SPTLC1: variants seen among roughly 807,000 people sequenced by gnomAD.
SPTLC1 encodes the protein serine palmitoyltransferase 1.
In SPTLC1, 55 loss-of-function variants were observed where a neutral mutation model predicts 68.9. The ratio of observed to expected loss-of-function variants is 0.80; its 90% CI spans 0.64 to 1.00. The LOEUF (loss-of-function observed/expected upper bound fraction) is 1.00. SPTLC1 is among the 50% of genes least tolerant of loss of function. SPTLC1 has a pLI of 0.00. For missense variants in SPTLC1, 449 were observed against 573.1 expected (o/e 0.78, Z 2.21); for synonymous variants, 197 against 201.6 (o/e 0.98, Z 0.19).
At chr9:92,045,092 GT>G (rs1481859980) in intron 12 of SPTLC1, among the ~76,000 whole-genome samples, 1 of 152,174 alleles carries the variant, frequency 6.6e-6, no homozygotes, top group Non-Finnish European at 1.5e-5. Flanking sequence ...AAGAACTGCT[GT>G]TACTATCACA....
intron 9 of SPTLC1, among the ~76,000 whole-genome samples, chr9:92,049,101 G>C (rs113064719): frequency 6.6e-6 from 1 of 152,114 alleles, no homozygotes; most frequent in African/African-American, 2.4e-5. Context: ...ACTGCTGAAT[G>C]TCAGTCTGCC....
intron 12 of SPTLC1, among the ~76,000 whole-genome samples, chr9:92,041,369 G>C (rs1833345466): frequency 6.6e-6 from 1 of 152,140 alleles, no homozygotes; most frequent in Admixed American, 6.5e-5. Flanking sequence ...AGAAGAGTAA[G>C]AACACAGTGC....
chr9:92,049,121 G>A (rs944981806), intron 9 of SPTLC1, among the ~76,000 whole-genome samples: 5 of 152,156 alleles, frequency 3.3e-5, no homozygotes, highest in Non-Finnish European at 7.3e-5. Context: ...CTTGGAGGAG[G>A]TGCTTCCATC....
intron 9 of SPTLC1, among the ~76,000 whole-genome samples, chr9:92,049,197 G>A (rs10992212): frequency 0.051 from 7,696 of 152,218 alleles, 522 homozygotes; most frequent in East Asian, 0.27. Context: ...GCGGGATGTC[G>A]ATAATGTAAG....
intron 3 of SPTLC1, among the ~76,000 whole-genome samples, chr9:92,086,078 T>C (rs1835113838): frequency 6.6e-6 from 1 of 151,782 alleles, no homozygotes; most frequent in Non-Finnish European, 1.5e-5. Flanking sequence ...TGCCTTTTTT[T>C]GTTTTCCATT....
chr9:92,068,494 A>G (rs1834369727), intron 5 of SPTLC1, among the ~76,000 whole-genome samples: 1 of 152,220 alleles, frequency 6.6e-6, no homozygotes, highest in Admixed American at 6.5e-5. Context: ...TAGCAAAAAG[A>G]ACCCTGTATA....
chr9:92,060,959 C>A (rs1475456169), intron 6 of SPTLC1, among the ~76,000 whole-genome samples: 2 of 149,374 alleles, frequency 1.3e-5, no homozygotes, highest in Non-Finnish European at 3.0e-5. Flanking sequence ...CTGAGCACAA[C>A]AGGAAGAAAA....
chr9:92,052,551 A>G, intron 8 of SPTLC1, among the ~76,000 whole-genome samples: 1 of 150,564 alleles, frequency 6.6e-6, no homozygotes, highest in Admixed American at 6.6e-5. Flanking sequence ...TTTTTTTGAG[A>G]CAGAGTCTCG....
intron 5 of SPTLC1, chr9:92,076,909 C>T (rs1005231599): frequency 4.6e-5 from 7 of 152,148 alleles, no homozygotes; most frequent in Non-Finnish European, 7.3e-5. Flanking sequence ...CATAATTCCC[C>T]GGTTTGGTCT....
At chr9:92,114,376 C>T in intron 1 of SPTLC1, among the ~76,000 whole-genome samples, 1 of 152,198 alleles carries the variant, frequency 6.6e-6, no homozygotes, top group Non-Finnish European at 1.5e-5. Flanking sequence ...GATTGACATT[C>T]TGGTTTCTTA....
chr9:92,090,826 C>A (rs555757182), intron 3 of SPTLC1, among the ~76,000 whole-genome samples: 1 of 152,258 alleles, frequency 6.6e-6, no homozygotes, highest in South Asian at 2.1e-4. Context: ...TTGCCGTAAC[C>A]AAGCTGACAG....
intron 1 of SPTLC1, among the ~76,000 whole-genome samples, chr9:92,112,864 T>C (rs1008163623): frequency 2.6e-5 from 4 of 152,148 alleles, no homozygotes; most frequent in African/African-American, 9.7e-5. Context: ...TCCCAGCACT[T>C]TGGGAGGCCA....
At chr9:92,033,643 C>G (rs1046152697) in intron 14 of SPTLC1, among the ~76,000 whole-genome samples, 3 of 152,184 alleles carry the variant, frequency 2.0e-5, no homozygotes, top group Non-Finnish European at 2.9e-5. Flanking sequence ...GCAGCCTTGA[C>G]CTCCTGGAAC....
At chr9:92,076,675 CT>C in intron 5 of SPTLC1, 1 of 152,320 alleles carries the variant, frequency 6.6e-6, no homozygotes, top group Admixed American at 6.5e-5. Flanking sequence ...TGCCACTCTA[CT>C]ACCCCATCAA....
chr9:92,115,087 T>A (rs1440024166), intron 1 of SPTLC1: 1 of 592,096 alleles, frequency 1.7e-6, no homozygotes, highest in African/African-American at 1.9e-5. Context: ...ACCCGGAGCA[T>A]AAGAATTCAA....
intron 3 of SPTLC1, among the ~76,000 whole-genome samples, chr9:92,086,484 T>C (rs1056270969): frequency 5.3e-5 from 8 of 152,198 alleles, no homozygotes. Flanking sequence ...AAGTATTTTA[T>C]TTCTCCTTCA....
intron 3 of SPTLC1, among the ~76,000 whole-genome samples, chr9:92,098,310 C>T (rs576813385): frequency 1.3e-3 from 203 of 152,248 alleles, no homozygotes; most frequent in Admixed American, 2.7e-3. Context: ...GCCCCTACCC[C>T]GCCCACTCCT....
chr9:92,072,168 T>C (rs1834517064), intron 5 of SPTLC1, among the ~76,000 whole-genome samples: 1 of 152,044 alleles, frequency 6.6e-6, no homozygotes, highest in South Asian at 2.1e-4. Flanking sequence ...GAACTCTCTC[T>C]GGGAGACCTC....
At chr9:92,045,624 G>A (rs1180828479) in intron 12 of SPTLC1, among the ~76,000 whole-genome samples, 3 of 150,212 alleles carry the variant, frequency 2.0e-5, no homozygotes, top group African/African-American at 7.4e-5. Flanking sequence ...TAACACAGAT[G>A]GTATGAACCC....
Sources: gnomAD v4.1 joint callset for allele counts (sites outside exome capture counted in the v4.1 genomes callset) on GRCh38, gnomAD v4.1.1 for gene constraint, MANE v1.5 for transcripts, NCBI Gene and HGNC (gene_info 2026-07-23, HGNC 2026-07-21) for gene names.